YY1AP1: variants seen among roughly 807,000 people sequenced by gnomAD.
The protein encoded by YY1AP1 is YY1-associated protein 1.
Under a neutral mutation model 39.9 loss-of-function variants are expected in YY1AP1, and 43 were observed. That is an observed-to-expected ratio of 1.08 (90% confidence interval 0.84 to 1.39). YY1AP1 has a LOEUF of 1.39. Among genes scored for constraint, YY1AP1 ranks in the 40% most tolerant of loss-of-function variants. The probability of loss-of-function intolerance (pLI) is 0.00; values close to 1 mark genes in which losing one functional copy is unlikely to be tolerated. For missense variants in YY1AP1, 813 were observed against 900.7 expected (o/e 0.90, Z 1.25); for synonymous variants, 292 against 331.3 (o/e 0.88, Z 1.29).
chr1:155,680,342 C>T, intron 3 of YY1AP1, 74 bp downstream of exon 3: 1 of 1,546,752 alleles, frequency 6.5e-7, no homozygotes, highest in Middle Eastern at 1.7e-4. Flanking sequence ...AGGAGCATCA[C>T]AGAGATCAAA....
chr1:155,676,865 T>C (rs759742166), intron 4 of YY1AP1, 119 bp from the exon 5 acceptor site: 3 of 1,010,016 alleles, frequency 3.0e-6, no homozygotes, highest in Non-Finnish European at 4.4e-6. Context: ...TCCCCCCTTT[T>C]CACTTTAGCC....
rs202149355 is a variant in YY1AP1 at position 155,672,698 on chromosome 1, C to T, written c.445G>A (p.Ala149Thr). The T allele has an allele frequency of 5.0e-6, 8 of 1,614,034 alleles. No individual in the cohort carries two copies. The highest frequency in any genetic ancestry group is 1.6e-4 in the Middle Eastern group (1 of 6,062). Reference protein sequence around the residue: ...ELGTFAQSSIALHHQYNPKFQ... With the variant: ...ELGTFAQSSITLHHQYNPKFQ... The stretch of plus-strand genomic sequence containing the variant: ...TTGGGGTTGTACTGATGGTGAAGGG[C>T]GATGGAGCTTTGAGCAAAGGTTCCC... The change falls in exon 7 of 11, where the codon GCC (alanine) becomes ACC (threonine). Residue 149 changes from alanine to threonine, a missense_variant. Ala to Thr is a moderately conservative substitution (Grantham distance 58, BLOSUM62 0). Coordinates refer to ENST00000355499, the MANE Select transcript of YY1AP1 (RefSeq NM_139119.3).
In YY1AP1 at chr1:155,675,050, G is replaced by C; in HGVS notation, c.371C>G (p.Pro124Arg). The C allele has an allele frequency of 1.9e-6, 3 of 1,613,830 alleles. No homozygotes were observed. Among genetic ancestry groups the C allele is most frequent in the Non-Finnish European group, 2.5e-6 (3 of 1,179,802 alleles). Residue 124 changes from proline (P) to arginine (R), a missense_variant, in exon 6 of 11, where the codon CCC becomes CGC. Transcript: ENST00000355499. ...TQIHLLATCN[P>R]NLNPEASSTR... is the part of the protein sequence containing the mutation. ...GCTACTGGCCTCCGGATTGAGATTG[G>C]GGTTGCAGGTGGCAAGAAGGTGGAT...
At position 155,660,774 on chromosome 1, in the gene YY1AP1, C is replaced by G; in HGVS notation, c.1136G>C (p.Arg379Pro). The change falls in exon 11 of 11, where the codon CGG becomes CCG. Residue 379 changes from arginine (R) to proline (P), a missense_variant. Coordinates refer to ENST00000355499, the MANE Select transcript of YY1AP1 (RefSeq NM_139119.3). ...KDNSELGSETRYPLLLPKGVV... is the reference protein window; with the variant it reads ...KDNSELGSETPYPLLLPKGVV... ...ACCCTTAGGCAATAGCAGTGGGTAC[C>G]GAGTTTCACTCCCCAACTCTGAGTT... 1.2e-6 allele frequency: 2 copies of G among 1,614,164 alleles called. No homozygotes were observed. Among genetic ancestry groups the G allele is most frequent in the South Asian group, 1.1e-5 (1 of 91,078 alleles).
intron 9 of YY1AP1, among the ~76,000 whole-genome samples, chr1:155,662,433 G>C (rs916534110): frequency 2.6e-5 from 4 of 151,844 alleles, no homozygotes; most frequent in Non-Finnish European, 1.5e-5. Flanking sequence ...GGGGTGGTAG[G>C]GTGGAGATTG....
chr1:155,675,167 T>C, intron 5 of YY1AP1, 71 bp from the exon 6 acceptor site: 1 of 1,460,946 alleles, frequency 6.8e-7, no homozygotes, highest in Non-Finnish European at 9.5e-7. Context: ...GAGATATTTT[T>C]TTTTCCCCCT....
At position 155,660,540 on chromosome 1, in the gene YY1AP1, G is replaced by T. The variant is rs1369789300; in HGVS notation, c.1370C>A (p.Ala457Asp). 2 of 1,614,066 alleles carry T rather than the reference G, an allele frequency of 1.2e-6. No homozygotes were observed. Among genetic ancestry groups the T allele is most frequent in the Non-Finnish European group, 1.7e-6 (2 of 1,180,042 alleles). The stretch of plus-strand genomic sequence containing the variant: ...ACCTGGAACTGTCTGTAAAACAGTG[G>T]CTGGCTGTATTGGGTGAGGAATCCG... ...VLRIPHPIQP[A>D]TVLQTVPGVP... The change falls in exon 11 of 11, where the codon GCC becomes GAC. Residue 457 changes from alanine (A) to aspartate (D), a missense_variant. Ala to Asp is a moderately radical substitution (Grantham distance 126, BLOSUM62 -2). This residue lies in a region of YY1AP1 where 586 missense variants were observed against 647.4 expected (regional missense o/e 0.91). Transcript: ENST00000355499.
At chr1:155,686,026 CTTTTTTTTTT>C (rs768966023) in intron 2 of YY1AP1, among the ~76,000 whole-genome samples, 4 of 76,346 alleles carry the variant, frequency 5.2e-5, no homozygotes, top group East Asian at 1.1e-3. Flanking sequence ...TGAAATCAGT[CTTTTTTTTTT>C]TTTTTTTTTT....
chr1:155,669,647 C>T (rs1380790982), intron 8 of YY1AP1, among the ~76,000 whole-genome samples: 1 of 152,108 alleles, frequency 6.6e-6, no homozygotes, highest in African/African-American at 2.4e-5. Context: ...CCAATACTAC[C>T]CTCTAACATA....
chr1:155,675,099 G>A lies in YY1AP1; in HGVS notation c.325-3C>T. 6.2e-7 allele frequency: 1 copy of A among 1,612,940 alleles called. No homozygotes were observed. Among genetic ancestry groups the A allele is most frequent in the Non-Finnish European group, 8.5e-7 (1 of 1,179,298 alleles). On this transcript the variant is annotated splice_region_variant and splice_polypyrimidine_tract_variant and intron_variant, in intron 5 of 10. Coordinates refer to ENST00000355499, the MANE Select transcript of YY1AP1 (RefSeq NM_139119.3). ...ATTTGTGTCAAGAGCTGAACATGCT[G>A]GGGAGAGAAAGAAAATAATGCAGTG... is the stretch of plus-strand genomic sequence containing the variant.
Position 155,659,716 on chromosome 1 carries a change from C to T in YY1AP1, c.2194G>A (p.Glu732Lys). Reference protein sequence around the residue: ...SLNNSSPGDLEEVVKMEPEDA... With the variant: ...SLNNSSPGDLKEVVKMEPEDA... ...TCAGGTTCCATCTTGACAACTTCCT[C>T]TAAATCCCCAGGGGAAGAGTTGTTT... Residue 732 changes from glutamate (E) to lysine (K), a missense_variant, in exon 11 of 11, where the codon GAG (glutamate) becomes AAG (lysine). Coordinates refer to ENST00000355499, the MANE Select transcript of YY1AP1 (RefSeq NM_139119.3). 6.2e-7 allele frequency: 1 copy of T among 1,614,252 alleles called. No individual in the cohort carries two copies. Among genetic ancestry groups the T allele is most frequent in the Non-Finnish European group, 8.5e-7 (1 of 1,180,046 alleles).
At chr1:155,685,858 G>T (rs768112150) in intron 2 of YY1AP1, among the ~76,000 whole-genome samples, 3 of 151,854 alleles carry the variant, frequency 2.0e-5, no homozygotes, top group African/African-American at 7.3e-5. Flanking sequence ...TCTTTCATCC[G>T]ATTCTCTGAA....
chr1:155,670,188 A>G, intron 8 of YY1AP1, 132 bp downstream of exon 8: 1 of 1,191,326 alleles, frequency 8.4e-7, no homozygotes, highest in Non-Finnish European at 1.2e-6. Context: ...CACGTTCTAG[A>G]GGACTCTGCT....
At chr1:155,673,299 T>C (rs996561952) in intron 6 of YY1AP1, among the ~76,000 whole-genome samples, 6 of 151,812 alleles carry the variant, frequency 4.0e-5, no homozygotes, top group African/African-American at 1.5e-4. Flanking sequence ...CAGGGATGAG[T>C]CACCTCACCC....
intron 9 of YY1AP1, among the ~76,000 whole-genome samples, chr1:155,666,130 A>T (rs905194785): frequency 2.0e-5 from 3 of 147,954 alleles, no homozygotes; most frequent in South Asian, 2.1e-4. Flanking sequence ...CTTAAAATCT[A>T]TTTTTTTTTT....
At chr1:155,677,299 G>T (rs1650838458) in intron 4 of YY1AP1, among the ~76,000 whole-genome samples, 1 of 152,156 alleles carries the variant, frequency 6.6e-6, no homozygotes, top group African/African-American at 2.4e-5. Flanking sequence ...TATCCATGAA[G>T]GCTATCTTCT....
At chr1:155,664,919 G>A (rs1296507600) in intron 9 of YY1AP1, among the ~76,000 whole-genome samples, 2 of 151,530 alleles carry the variant, frequency 1.3e-5, no homozygotes, top group East Asian at 2.0e-4. Flanking sequence ...ACAGACGCCC[G>A]CCACCACACC....
Position 155,659,571 on chromosome 1 carries a change from G to C in YY1AP1, c.*86C>G. 6.8e-7 allele frequency: 1 copy of C among 1,478,726 alleles called. No homozygotes were observed. Among genetic ancestry groups the C allele is most frequent in the Non-Finnish European group, 9.2e-7 (1 of 1,082,752 alleles). The allele number at this position is 1,478,726 out of a possible 1,614,324, so 91.6% of individuals were successfully genotyped here. On this transcript the variant is annotated 3_prime_UTR_variant, in exon 11 of 11. Transcript: ENST00000355499. ...AAATCTGGGGTTTAAGTACCCTTTA[G>C]GGGTTTCCTATTGGTTACACCCTAT...
In YY1AP1 at chr1:155,676,692, T is replaced by C. The variant is rs1650746612; in HGVS notation, c.180A>G (p.Glu60=). The C allele has an allele frequency of 6.2e-7, 1 of 1,614,180 alleles. No homozygotes were observed. Among genetic ancestry groups the C allele is most frequent in the Non-Finnish European group, 8.5e-7 (1 of 1,180,032 alleles). The change falls in exon 5 of 11, where the codon GAA becomes GAG. Residue 60 remains glutamate, a synonymous_variant. Coordinates refer to ENST00000355499, the MANE Select transcript of YY1AP1 (RefSeq NM_139119.3). ...TCTTCATCTTCAGCTGTTCAAATAG[T>C]TCCTTCGCTATCTGATGTTGTTCAT... The part of the protein sequence containing the change: ...LLNEQHQIAK[E]LFEQLKMKKP...
Sources: gnomAD v4.1 joint callset for allele counts (sites outside exome capture counted in the v4.1 genomes callset) on GRCh38, gnomAD v4.1.1 for gene constraint, gnomAD v4.1.1 regional missense constraint, MANE v1.5 for transcripts, NCBI Gene and HGNC (gene_info 2026-07-23, HGNC 2026-07-21) for gene names.